LAMTOR5: variants seen among roughly 807,000 people sequenced by gnomAD.
LAMTOR5 encodes late endosomal/lysosomal adaptor, MAPK and MTOR activator 5.
A neutral mutation model predicts 12.1 loss-of-function variants in LAMTOR5; 8 were observed. The ratio of observed to expected loss-of-function variants is 0.66; its 90% CI spans 0.39 to 1.19. The LOEUF (loss-of-function observed/expected upper bound fraction) is 1.19, where lower values mean the gene tolerates loss of function less well. Ranked by LOEUF, LAMTOR5 falls within the 50% of genes most tolerant of loss-of-function variation. The probability of loss-of-function intolerance (pLI) is 0.01; values close to 1 mark genes in which losing one functional copy is unlikely to be tolerated. For missense variants in LAMTOR5, 110 were observed against 112.8 expected (o/e 0.97, Z 0.11); for synonymous variants, 37 against 41.9 (o/e 0.88, Z 0.45).
chr1:110,407,089 TACCCTTTAC>T, intron 1 of LAMTOR5: 1 of 683,652 alleles, frequency 1.5e-6, no homozygotes, highest in South Asian at 1.6e-5. Flanking sequence ...TGTCTCTCTG[TACCCTTTAC>T]ACTTTTCCAG....
intron 2 of LAMTOR5, among the ~76,000 whole-genome samples, 172 bp from the exon 3 acceptor site, chr1:110,404,208 A>C (rs1355827557): frequency 5.3e-5 from 8 of 152,230 alleles, no homozygotes; most frequent in Non-Finnish European, 1.2e-4. Flanking sequence ...TATAAATTCT[A>C]GGTACGAAAA....
At chr1:110,406,224 G>A in intron 2 of LAMTOR5, 94 bp downstream of exon 2, 1 of 786,850 alleles carries the variant, frequency 1.3e-6, no homozygotes, top group Non-Finnish European at 2.0e-6. Flanking sequence ...CAAGGTAACA[G>A]GAAATAAAAG....
chr1:110,403,082 G>A lies in LAMTOR5; in HGVS notation c.215+837C>T, dbSNP rs1206639148. On this transcript the variant is annotated intron_variant, in intron 3 of 3. Transcript: ENST00000602318. ...ATCTTTGTAGTCTAAGAGCAATACA[G>A]CCTAGGTGTGTAATAGGGTGTACCA... is the stretch of plus-strand genomic sequence containing the variant. 3.3e-5 allele frequency among the ~76,000 whole-genome samples: 5 copies of A among 152,206 alleles called. No individual in the cohort carries two copies. The East Asian group carries it at 9.6e-4, about 29-fold the overall frequency.
rs150460004 is a variant in LAMTOR5, at chr1:110,401,478, A to G, written c.*45T>C. ...GTTCTATAAGGTAATTAACATAGGTAGGATCCAGTTCCTATGACAGGCTGC... is the reference window on the plus strand; with the variant it reads ...GTTCTATAAGGTAATTAACATAGGTGGGATCCAGTTCCTATGACAGGCTGC... On this transcript the variant is annotated 3_prime_UTR_variant, in exon 4 of 4. Transcript: ENST00000602318. 110 of 1,577,962 alleles carry G rather than the reference A, an allele frequency of 7.0e-5. No individual in the cohort carries two copies. The African/African-American group carries it at 1.3e-3, about 19-fold the overall frequency.
At chr1:110,407,443 G>T in intron 1 of LAMTOR5, 143 bp downstream of exon 1, 1 of 1,082,696 alleles carries the variant, frequency 9.2e-7, no homozygotes, top group Non-Finnish European at 1.3e-6. Context: ...CTTGGGTAGA[G>T]TTTAGCCCCC....
In LAMTOR5 at chr1:110,406,401, A is replaced by G. The variant is rs1231475665; in HGVS notation, c.36-22T>C. The G allele has an allele frequency of 5.1e-6, 8 of 1,574,394 alleles. 1 individual carries two copies. The South Asian group carries it at 7.9e-5, about 15-fold the overall frequency. ...CATTCTAATTCCAGGAACACAAGAG[A>G]GTTGAAGTACATAATGGGAGAAAAA... On this transcript the variant is annotated intron_variant, in intron 1 of 3. Transcript: ENST00000602318.
At position 110,407,070 on chromosome 1, in the gene LAMTOR5, G is replaced by A. The variant is rs1663346509; in HGVS notation, c.35+516C>T. On this transcript the variant is annotated intron_variant, in intron 1 of 3. Coordinates refer to ENST00000602318, the MANE Select transcript of LAMTOR5 (RefSeq NM_001382293.1). ...AAGTGGAAGCTGAGGGACATCGGTGGGAGGCAGGTGTCTCTCTGTACCCTT... is the reference window on the plus strand; with the variant it reads ...AAGTGGAAGCTGAGGGACATCGGTGAGAGGCAGGTGTCTCTCTGTACCCTT... 4.3e-6 allele frequency: 3 copies of A among 697,422 alleles called. No individual in the cohort carries two copies. In the Admixed American group the frequency reaches 6.1e-5, roughly 14 times the overall value. The allele number at this position is 697,422 out of a possible 1,614,324, so 43.2% of individuals were successfully genotyped here. A position where few individuals can be genotyped will look rare whatever the true frequency, so the allele number is the denominator to read the frequency against.
In LAMTOR5 at chr1:110,401,262, A is replaced by G; in HGVS notation, c.*261T>C. ...ATCTAGAAAAGATCCATTTTCCTCC[A>G]AACAGATTTATTGAATACAGCAAAA... On this transcript the variant is annotated 3_prime_UTR_variant, in exon 4 of 4. Transcript: ENST00000602318. 1 of 314,860 alleles carries G rather than the reference A, an allele frequency of 3.2e-6. No homozygotes were observed. The highest frequency in any genetic ancestry group is 5.7e-6 in the Non-Finnish European group (1 of 173,986). 19.5% of individuals were successfully genotyped at this position (314,860 alleles called of 1,614,324 possible).
intron 2 of LAMTOR5, among the ~76,000 whole-genome samples, chr1:110,404,921 G>GCC (rs1039896568): frequency 1.3e-5 from 2 of 151,640 alleles, no homozygotes; most frequent in Admixed American, 1.3e-4. Context: ...GGTGGCAGGC[G>GCC]CCTGTAATCC....
At position 110,401,451 on chromosome 1, in the gene LAMTOR5, T is replaced by C; in HGVS notation, c.*72A>G. On this transcript the variant is annotated 3_prime_UTR_variant, in exon 4 of 4. Coordinates refer to ENST00000602318, the MANE Select transcript of LAMTOR5 (RefSeq NM_001382293.1). ...AATGGCCTAACTACTGGAACTTTAGTAGTTCTATAAGGTAATTAACATAGG... is the reference window on the plus strand; with the variant it reads ...AATGGCCTAACTACTGGAACTTTAGCAGTTCTATAAGGTAATTAACATAGG... The C allele has an allele frequency of 6.6e-7, 1 of 1,507,374 alleles. No homozygotes were observed. The highest frequency in any genetic ancestry group is 9.1e-7 in the Non-Finnish European group (1 of 1,100,314). The allele number at this position is 1,507,374 out of a possible 1,614,324, so 93.4% of individuals were successfully genotyped here. A position where few individuals can be genotyped will look rare whatever the true frequency, so the allele number is the denominator to read the frequency against.
intron 1 of LAMTOR5, chr1:110,406,583 G>T: frequency 2.7e-6 from 1 of 374,774 alleles, no homozygotes. Flanking sequence ...CCAGCACTTT[G>T]GGAGGCCCAG....
intron 1 of LAMTOR5, 117 bp downstream of exon 1, chr1:110,407,469 G>T: frequency 7.7e-7 from 1 of 1,304,086 alleles, no homozygotes; most frequent in African/African-American, 1.5e-5. Context: ...CCGTGTCCCG[G>T]GGGTCGCGCG....
intron 1 of LAMTOR5, chr1:110,407,324 C>T: frequency 1.7e-6 from 1 of 590,880 alleles, no homozygotes; most frequent in South Asian, 2.2e-5. Flanking sequence ...ATTTCAACAA[C>T]GAGATAGGCA....
At chr1:110,407,801 C>T (rs1191684474), upstream of LAMTOR5, 3 of 1,614,182 alleles carry the variant, frequency 1.9e-6, no homozygotes, top group Non-Finnish European at 2.5e-6. Context: ...TTCCGTCGCA[C>T]AGAGCCTGAC....
intron 1 of LAMTOR5, chr1:110,407,010 A>G (rs545450102): frequency 1.5e-6 from 1 of 688,304 alleles, no homozygotes; most frequent in African/African-American, 1.8e-5. Flanking sequence ...CATTTAAAAC[A>G]ACTGTTGAAA....
At chr1:110,403,519 G>T (rs1476708405) in intron 3 of LAMTOR5, 2 of 157,838 alleles carry the variant, frequency 1.3e-5, no homozygotes, top group Non-Finnish European at 2.8e-5. Context: ...AGGCTGAGTT[G>T]GGTGAATCGC....
chr1:110,407,454 T>C (rs1663357305), intron 1 of LAMTOR5, 132 bp downstream of exon 1: 5 of 1,174,070 alleles, frequency 4.3e-6, no homozygotes, highest in Non-Finnish European at 5.9e-6. Context: ...TTTAGCCCCC[T>C]CATCCCGTGT....
In LAMTOR5 at chr1:110,401,389, TTAAA is replaced by T. The variant is rs1663225676; in HGVS notation, c.*130_*133del. On this transcript the variant is annotated 3_prime_UTR_variant, in exon 4 of 4. Coordinates refer to ENST00000602318, the MANE Select transcript of LAMTOR5 (RefSeq NM_001382293.1). Reference sequence around the variant, plus strand: ...TAGAGCATTAGAAAGCAATTGACTCTTAAATAAACAGAAAAGTGCCTAATGCACA... The same window carrying T: ...TAGAGCATTAGAAAGCAATTGACTCTTAAACAGAAAAGTGCCTAATGCACA... 3.5e-6 allele frequency: 3 copies of T among 858,316 alleles called. No homozygotes were observed. Among genetic ancestry groups the T allele is most frequent in the South Asian group, 2.3e-5 (1 of 43,414 alleles). 53.2% of individuals were successfully genotyped at this position (858,316 alleles called of 1,614,324 possible). A position where few individuals can be genotyped will look rare whatever the true frequency, so the allele number is the denominator to read the frequency against.
chr1:110,403,850 C>A (rs1388106453), intron 3 of LAMTOR5, 69 bp downstream of exon 3: 89 of 1,590,090 alleles, frequency 5.6e-5, no homozygotes, highest in Non-Finnish European at 7.4e-5. Context: ...GAACACAGGG[C>A]CGGCCCCCGC....
Sources: gnomAD v4.1 joint callset for allele counts (sites outside exome capture counted in the v4.1 genomes callset) on GRCh38, gnomAD v4.1.1 for gene constraint, MANE v1.5 for transcripts, NCBI Gene and HGNC (gene_info 2026-07-23, HGNC 2026-07-21) for gene names.